Variants in ECM2 observed in about 807,000 individuals in gnomAD.
ECM2 encodes the protein extracellular matrix protein 2, female organ and adipocyte specific.
A neutral mutation model predicts 67.5 loss-of-function variants in ECM2; 57 were observed. That is an observed-to-expected ratio of 0.84 (90% CI 0.68 to 1.05). The LOEUF is 1.05. ECM2 is among the 50% of genes least tolerant of loss of function. The pLI, the probability that ECM2 is intolerant of heterozygous loss-of-function variation, is 0.00. For synonymous variants in ECM2, 258 were observed against 294.5 expected (o/e 0.88, Z 1.27); for missense variants, 741 against 822.8 (o/e 0.90, Z 1.22).
chr9:92,510,918 A>G (rs1302787494), intron 5 of ECM2, among the ~76,000 whole-genome samples: 14 of 152,204 alleles, frequency 9.2e-5, no homozygotes, highest in Non-Finnish European at 4.4e-5. Flanking sequence ...CCAGATAAGA[A>G]ACAGGAAATG....
At chr9:92,543,092 A>G in the ECM2 span, among the ~76,000 whole-genome samples, 15 of 152,154 alleles carry the variant, frequency 9.9e-5, no homozygotes, top group Non-Finnish European at 1.9e-4. Context: ...TTTTTATGCC[A>G]GTACTATGCT....
intron 3 of ECM2, chr9:92,516,928 A>G (rs899525178): frequency 2.6e-5 from 4 of 152,222 alleles, no homozygotes; most frequent in African/African-American, 9.7e-5. Flanking sequence ...GTTATAGACA[A>G]GAGAAGATGT....
At chr9:92,505,737 T>C (rs985833058) in intron 6 of ECM2, 47 bp from the exon 7 acceptor site, 1 of 1,447,704 alleles carries the variant, frequency 6.9e-7, no homozygotes. Context: ...TGAAAAACCA[T>C]GCAAATTTTT....
chr9:92,545,950 C>T, the ECM2 span, among the ~76,000 whole-genome samples: 1 of 151,956 alleles, frequency 6.6e-6, no homozygotes, highest in South Asian at 2.1e-4. Context: ...CCAATCAGCA[C>T]TCTGTCTAGC....
At chr9:92,528,320 A>C (rs1396116110) in intron 1 of ECM2, among the ~76,000 whole-genome samples, 1 of 152,200 alleles carries the variant, frequency 6.6e-6, no homozygotes, top group Non-Finnish European at 1.5e-5. Context: ...AGGGGAACAC[A>C]GGCAGAGTCC....
chr9:92,520,529 C>G (rs1036561623), intron 2 of ECM2, among the ~76,000 whole-genome samples: 13 of 152,146 alleles, frequency 8.5e-5, no homozygotes, highest in Non-Finnish European at 1.8e-4. Context: ...AACAGCATAG[C>G]CACTTTGGAA....
chr9:92,536,401 G>T (rs546476015), upstream of ECM2, among the ~76,000 whole-genome samples: 165 of 152,208 alleles, frequency 1.1e-3, 2 homozygotes, highest in African/African-American at 3.7e-3. Flanking sequence ...GCTAAAGGCT[G>T]TGTATATCTG....
the ECM2 span, among the ~76,000 whole-genome samples, chr9:92,545,247 G>A: frequency 6.6e-6 from 1 of 152,136 alleles, no homozygotes; most frequent in South Asian, 2.1e-4. Flanking sequence ...GGCCGGAGCC[G>A]CTCAGGTTTA....
chr9:92,508,253 G>A lies in ECM2; in HGVS notation c.1306+1646C>T, dbSNP rs1046587517. Among the ~76,000 whole-genome samples, 25 of 152,226 alleles carry A rather than the reference G, an allele frequency of 1.6e-4. 1 individual carries two copies. The highest frequency in any genetic ancestry group is 1.6e-3 in the Admixed American group (25 of 15,284). Reference sequence around the variant, plus strand: ...CTCAGCCCACCCAGGGAGTGCAGCCGGGGGTATCTGAGCCGGAGGACAGAA... The same window carrying A: ...CTCAGCCCACCCAGGGAGTGCAGCCAGGGGTATCTGAGCCGGAGGACAGAA... On this transcript the variant is annotated intron_variant, in intron 6 of 9. Coordinates refer to ENST00000344604, the MANE Select transcript of ECM2 (RefSeq NM_001393.4).
intron 1 of ECM2, among the ~76,000 whole-genome samples, chr9:92,531,023 T>C (rs545019079): frequency 1.7e-4 from 26 of 152,332 alleles, no homozygotes; most frequent in Admixed American, 1.3e-3. Context: ...TATATTTTTA[T>C]ATTTTCAGTA....
At chr9:92,541,985 G>T in the ECM2 span, among the ~76,000 whole-genome samples, 1 of 152,044 alleles carries the variant, frequency 6.6e-6, no homozygotes, top group Non-Finnish European at 1.5e-5. Flanking sequence ...ATAGAGATGG[G>T]GTTTCATTAT....
At chr9:92,512,266 T>C (rs1847398377) in intron 4 of ECM2, 140 bp from the exon 5 acceptor site, 3 of 482,678 alleles carry the variant, frequency 6.2e-6, no homozygotes, top group Non-Finnish European at 7.5e-6. Context: ...ACAGAATATA[T>C]ATTATATAAC....
upstream of ECM2, among the ~76,000 whole-genome samples, chr9:92,540,102 C>G (rs1410029148): frequency 2.0e-5 from 3 of 152,034 alleles, no homozygotes; most frequent in Non-Finnish European, 4.4e-5. Flanking sequence ...TTTCTATATC[C>G]AATACTGATA....
At chr9:92,528,944 T>C (rs534204833) in intron 1 of ECM2, among the ~76,000 whole-genome samples, 60 of 152,324 alleles carry the variant, frequency 3.9e-4, no homozygotes, top group African/African-American at 1.2e-3. Flanking sequence ...AGTAGGTGTT[T>C]AAAAATCATT....
Position 92,514,913 on chromosome 9 carries a change from TCTC to T in ECM2, c.769_771del (p.Glu257del), listed in dbSNP as rs757571307. The T allele has an allele frequency of 5.5e-5, 88 of 1,613,594 alleles. No individual in the cohort carries two copies. In the African/African-American group the frequency reaches 9.1e-4, roughly 17 times the overall value. ...CGTTGTTGCTGGTGTGCCAGCCTCC[TCTC>T]CTCTCCAGGCCTCTGCTTTCTGTCT... On this transcript the variant is annotated inframe_deletion, in exon 4 of 10. Coordinates refer to ENST00000344604, the MANE Select transcript of ECM2 (RefSeq NM_001393.4).
the ECM2 span, among the ~76,000 whole-genome samples, chr9:92,545,158 C>T: frequency 1.3e-5 from 2 of 152,348 alleles, no homozygotes; most frequent in East Asian, 3.9e-4. Flanking sequence ...CTTGAGGAGT[C>T]CTTCAGCCCA....
chr9:92,525,047 C>T (rs1223067161), intron 1 of ECM2, among the ~76,000 whole-genome samples: 1 of 152,190 alleles, frequency 6.6e-6, no homozygotes, highest in East Asian at 1.9e-4. Context: ...CACTGTGGCT[C>T]ATGCCTGTAA....
At chr9:92,553,242 G>C in the ECM2 span, among the ~76,000 whole-genome samples, 2 of 151,970 alleles carry the variant, frequency 1.3e-5, no homozygotes, top group African/African-American at 4.8e-5. Flanking sequence ...TTTATTTCTG[G>C]GTTGTCTATT....
At position 92,510,043 on chromosome 9, in the gene ECM2, G is replaced by A; in HGVS notation, c.1171-9C>T. 1 of 1,585,664 alleles carries A rather than the reference G, an allele frequency of 6.3e-7. No homozygotes were observed. Among genetic ancestry groups the A allele is most frequent in the Non-Finnish European group, 8.5e-7 (1 of 1,171,240 alleles). ...ATTAACTTCTTCAGAAGCTTAAAAAGCAAATCTCAAAGTTACTTTTTTATC... is the reference window on the plus strand; with the variant it reads ...ATTAACTTCTTCAGAAGCTTAAAAAACAAATCTCAAAGTTACTTTTTTATC... On this transcript the variant is annotated splice_polypyrimidine_tract_variant and intron_variant, in intron 5 of 9. Transcript: ENST00000344604.
Sources: allele counts gnomAD v4.1 joint callset (sites outside exome capture counted in the v4.1 genomes callset), GRCh38; gene constraint gnomAD v4.1.1; transcripts MANE v1.5; gene names NCBI Gene and HGNC (gene_info 2026-07-23, HGNC 2026-07-21).